The following SLC26A11 variants were observed in gnomAD, a reference collection of about 807,000 sequenced individuals.
SLC26A11 encodes sodium-independent sulfate anion transporter.
In SLC26A11, 58 loss-of-function variants were observed where a neutral mutation model predicts 62.2. The observed-to-expected ratio is 0.93, with a 90% CI of 0.76 to 1.16. The LOEUF (loss-of-function observed/expected upper bound fraction) is 1.16, where lower values mean the gene tolerates loss of function less well. Among genes scored for constraint, SLC26A11 ranks in the 50% most tolerant of loss-of-function variants. The pLI is 0.00. For synonymous variants in SLC26A11, 411 were observed against 368.9 expected, an observed-to-expected ratio of 1.11 and a Z score of -1.31; for missense variants, 790 against 794.3, an observed-to-expected ratio of 0.99 and a Z score of 0.06.
Position 80,246,314 on chromosome 17 carries a change from G to T in SLC26A11, c.1153+105G>T. The T allele has an allele frequency of 6.9e-7, 1 of 1,457,630 alleles. No homozygotes were observed. Among genetic ancestry groups the T allele is most frequent in the African/African-American group, 1.4e-5 (1 of 71,592 alleles). The allele number at this position is 1,457,630 out of a possible 1,614,324, so 90.3% of individuals were successfully genotyped here. ...TTTGGCTCATGGGCCGTGCGCCCCG[G>T]GACTGCACAGGGACTTGGGGGGCCA... On this transcript the variant is annotated intron_variant, in intron 12 of 17. Transcript: ENST00000361193. The surrounding 1 kb of genome is among the most constrained non-coding windows in gnomAD (Gnocchi z 4.4).
rs1567972449 is a variant in SLC26A11 at position 80,252,638 on chromosome 17, G to C, written c.1743G>C (p.Arg581Ser). 2 of 1,613,924 alleles carry C rather than the reference G, an allele frequency of 1.2e-6. No individual in the cohort carries two copies. ...STLEEAEKHL[R>S]QEPGTQPYNI... ...TATTTTCTGCAGAGAAGCACCTGAGGCAGGAGCCAGGGACCCAGCCCTACA... is the reference window on the plus strand; with the variant it reads ...TATTTTCTGCAGAGAAGCACCTGAGCCAGGAGCCAGGGACCCAGCCCTACA... Residue 581 changes from arginine (R) to serine (S), a missense_variant, in exon 18 of 18, where the codon AGG (arginine) becomes AGC (serine). Physicochemically the swap from Arg to Ser is moderately radical, Grantham distance 110. Coordinates refer to ENST00000361193, the MANE Select transcript of SLC26A11 (RefSeq NM_001166347.2). This position sits in a 1 kb window ranked among gnomAD's most constrained non-coding sequence, Gnocchi z 5.2.
rs572936192 is a variant in SLC26A11 at position 80,228,322 on chromosome 17, G to T, written c.736+362G>T. Among the ~76,000 whole-genome samples, 2 of 152,086 alleles carry T rather than the reference G, an allele frequency of 1.3e-5. No individual in the cohort carries two copies. Among genetic ancestry groups the T allele is most frequent in the African/African-American group, 4.8e-5 (2 of 41,414 alleles). On this transcript the variant is annotated intron_variant, in intron 7 of 17. Coordinates refer to ENST00000361193, the MANE Select transcript of SLC26A11 (RefSeq NM_001166347.2). This position sits in a 1 kb window ranked among gnomAD's most constrained non-coding sequence, Gnocchi z 4.1. Reference sequence around the variant, plus strand: ...TGATTTTTGTATTTATAGTAGAGACGGGGTTTCACCATGTTGACCATACTG... The same window carrying T: ...TGATTTTTGTATTTATAGTAGAGACTGGGTTTCACCATGTTGACCATACTG...
At chr17:80,237,438 G>C in intron 8 of SLC26A11, 84 bp from the exon 9 acceptor site, 1 of 1,286,178 alleles carries the variant, frequency 7.8e-7, no homozygotes, top group Non-Finnish European at 1.1e-6. Flanking sequence ...CTGTGGGGCG[G>C]GGTGGGTCCT....
chr17:80,224,299 G>A lies in SLC26A11; in HGVS notation c.513+962G>A, dbSNP rs544413748. The stretch of plus-strand genomic sequence containing the variant: ...TGAGTGCGTGTGTGAGTGAGTGTGC[G>A]TGTGTGTGTGAGAGAGTGTGAGTGT... On this transcript the variant is annotated intron_variant, in intron 5 of 17. Transcript: ENST00000361193. Among the ~76,000 whole-genome samples, 194 of 130,306 alleles carry A rather than the reference G, an allele frequency of 1.5e-3. 3 individuals carry two copies. The highest frequency in any genetic ancestry group is 1.8e-3 in the Non-Finnish European group (119 of 65,608). The allele number at this position is 130,306 out of a possible 152,430, so 85.5% of individuals were successfully genotyped here.
At chr17:80,231,623 T>C (rs1221909714) in intron 7 of SLC26A11, among the ~76,000 whole-genome samples, 1 of 152,254 alleles carries the variant, frequency 6.6e-6, no homozygotes. Context: ...TTTTATTCGG[T>C]TCTAAATACT....
chr17:80,243,714 A>C (rs1319216536), intron 10 of SLC26A11, among the ~76,000 whole-genome samples: 1 of 152,206 alleles, frequency 6.6e-6, no homozygotes, highest in Non-Finnish European at 1.5e-5. Flanking sequence ...CATTACTTTA[A>C]AAATACCACA....
intron 7 of SLC26A11, chr17:80,236,709 T>C: frequency 4.2e-6 from 2 of 475,808 alleles, no homozygotes; most frequent in Non-Finnish European, 7.3e-6. Context: ...AGGTGGCATG[T>C]GCACCTGTCC....
At chr17:80,249,629 G>A (rs1176361727) in intron 16 of SLC26A11, among the ~76,000 whole-genome samples, 1 of 152,230 alleles carries the variant, frequency 6.6e-6, no homozygotes, top group Non-Finnish European at 1.5e-5. Flanking sequence ...GGTGAGGCTA[G>A]GCGTGGTGGC....
At chr17:80,225,981 C>A in intron 6 of SLC26A11, 65 bp downstream of exon 6, 1 of 1,464,978 alleles carries the variant, frequency 6.8e-7, no homozygotes, top group South Asian at 1.2e-5. Context: ...CTCTCCCGGC[C>A]CCCACCTCAG....
In SLC26A11 at chr17:80,233,204, C is replaced by T. The variant is rs555145552; in HGVS notation, c.737-3724C>T. The stretch of plus-strand genomic sequence containing the variant: ...GCAGAGATTGCAGTGAGCCAAGATC[C>T]GTCACTGAAGCTGCAAACTCCTGGG... On this transcript the variant is annotated intron_variant, in intron 7 of 17. Transcript: ENST00000361193. 7.3e-5 allele frequency among the ~76,000 whole-genome samples: 11 copies of T among 151,724 alleles called. No homozygotes were observed. In the South Asian group the frequency reaches 1.1e-3, roughly 15 times the overall value.
chr17:80,252,972 G>T lies in SLC26A11; in HGVS notation c.*256G>T. The stretch of plus-strand genomic sequence containing the variant: ...ATGACCCTCTTTGGAAGAGTGGTTT[G>T]GAGAGAGCCTTCTAGAATGACAGAC... On this transcript the variant is annotated 3_prime_UTR_variant, in exon 18 of 18. Transcript: ENST00000361193. This position sits in a 1 kb window ranked among gnomAD's most constrained non-coding sequence, Gnocchi z 5.2. 5.4e-6 allele frequency: 2 copies of T among 371,300 alleles called. No individual in the cohort carries two copies. Among genetic ancestry groups the T allele is most frequent in the Non-Finnish European group, 1.0e-5 (2 of 199,998 alleles). 23.0% of individuals were successfully genotyped at this position (371,300 alleles called of 1,614,324 possible).
intron 16 of SLC26A11, 53 bp from the exon 17 acceptor site, chr17:80,251,276 C>T (rs1218982194): frequency 5.0e-6 from 8 of 1,613,666 alleles, no homozygotes; most frequent in South Asian, 3.3e-5. Flanking sequence ...GCTGCCGACC[C>T]GTGTGCTACA....
rs372436036 is a variant in SLC26A11, at chr17:80,249,985, C to T, written c.1656+698C>T. ...TGTCAGGGCTTCCAGAGGCTGAAGA[C>T]GGGTTTCTATGGAGGCCGTCCTGTT... is the stretch of plus-strand genomic sequence containing the variant. On this transcript the variant is annotated intron_variant, in intron 16 of 17. Coordinates refer to ENST00000361193, the MANE Select transcript of SLC26A11 (RefSeq NM_001166347.2). 1.8e-4 allele frequency among the ~76,000 whole-genome samples: 28 copies of T among 152,260 alleles called. 1 individual carries two copies. In the South Asian group the frequency reaches 5.4e-3, roughly 29 times the overall value.
At chr17:80,238,827 G>GT (rs1197738028) in intron 9 of SLC26A11, among the ~76,000 whole-genome samples, 2 of 130,868 alleles carry the variant, frequency 1.5e-5, no homozygotes, top group African/African-American at 3.2e-5. Context: ...TTTGTTTTTT[G>GT]TTTTTTTTTT....
intron 7 of SLC26A11, among the ~76,000 whole-genome samples, chr17:80,233,480 T>C (rs2042611627): frequency 6.6e-6 from 1 of 152,186 alleles, no homozygotes; most frequent in East Asian, 1.9e-4. Context: ...TGCTCTTAAT[T>C]CCTTTGTACA....
Position 80,222,446 on chromosome 17 carries a change from G to A in SLC26A11, c.235-209G>A, listed in dbSNP as rs1274280379. ...CGGGCCTGCACCGACCCCTCTGCCT[G>A]GCTGTCTGCACCCTGAGGCCCCAGT... is the stretch of plus-strand genomic sequence containing the variant. On this transcript the variant is annotated intron_variant, in intron 3 of 17. Transcript: ENST00000361193. This position sits in a 1 kb window ranked among gnomAD's most constrained non-coding sequence, Gnocchi z 4.7. The A allele has an allele frequency of 2.2e-5, 13 of 582,536 alleles. No homozygotes were observed. The highest frequency in any genetic ancestry group is 3.7e-5 in the Non-Finnish European group (12 of 327,632). The allele number at this position is 582,536 out of a possible 1,614,324, so 36.1% of individuals were successfully genotyped here. A position where few individuals can be genotyped will look rare whatever the true frequency, so the allele number is the denominator to read the frequency against.
At chr17:80,220,658 C>A (rs1295377719) in intron 1 of SLC26A11, among the ~76,000 whole-genome samples, 162 bp downstream of exon 1, 1 of 152,104 alleles carries the variant, frequency 6.6e-6, no homozygotes, top group African/African-American at 2.4e-5. Context: ...CTACCCGGGT[C>A]CCCGCGGCCC....
rs531412546 is a variant in SLC26A11, at chr17:80,253,090, C to T, written c.*374C>T. On this transcript the variant is annotated 3_prime_UTR_variant, in exon 18 of 18. Coordinates refer to ENST00000361193, the MANE Select transcript of SLC26A11 (RefSeq NM_001166347.2). ...CTTCCCGGCTCACCAGTGCCACCTG[C>T]GGGGGAGGGACGGGGCAGGCAGGAG... 15 of 162,076 alleles carry T rather than the reference C, an allele frequency of 9.3e-5. No homozygotes were observed. Among genetic ancestry groups the T allele is most frequent in the Non-Finnish European group, 1.8e-4 (13 of 74,168 alleles). 10.0% of individuals were successfully genotyped at this position (162,076 alleles called of 1,614,324 possible).
In SLC26A11 at chr17:80,248,644, C is replaced by A; in HGVS notation, c.1492C>A (p.Arg498=). ...GTCCTTCCCTGCCATGGAGGCTCTG[C>A]GGGAGGAGATCCTAAGCCGGGCCCT... ...GLSFPAMEAL[R]EEILSRALEV... Residue 498 remains arginine (R), a synonymous_variant, in exon 15 of 18, where the codon CGG becomes AGG. Coordinates refer to ENST00000361193, the MANE Select transcript of SLC26A11 (RefSeq NM_001166347.2). 1 of 1,581,836 alleles carries A rather than the reference C, an allele frequency of 6.3e-7. No homozygotes were observed. The highest frequency in any genetic ancestry group is 1.2e-5 in the South Asian group (1 of 86,300).
Sources: allele counts gnomAD v4.1 joint callset (sites outside exome capture counted in the v4.1 genomes callset), GRCh38; gene constraint gnomAD v4.1.1; non-coding constraint Gnocchi (gnomAD v3.1); transcripts MANE v1.5; gene names NCBI Gene and HGNC (gene_info 2026-07-23, HGNC 2026-07-21).